The following DBF4B variants were observed in gnomAD, a reference collection of about 807,000 sequenced individuals.
DBF4B encodes the protein DBF4B-CDC7 kinase regulatory subunit, also known as protein DBF4 homolog B.
In DBF4B, 49 loss-of-function variants were observed where a neutral mutation model predicts 53.4. The ratio of observed to expected loss-of-function variants is 0.92; its 90% CI spans 0.73 to 1.16. DBF4B has a LOEUF of 1.16. Ranked by LOEUF, DBF4B falls within the 50% of genes most tolerant of loss-of-function variation. The pLI is 0.00. For missense variants in DBF4B, 692 were observed against 775.0 expected (o/e 0.89, Z 1.27); for synonymous variants, 257 against 288.7 (o/e 0.89, Z 1.11).
intron 2 of DBF4B, chr17:44,719,800 G>C (rs746076813): frequency 1.3e-5 from 3 of 230,332 alleles, no homozygotes; most frequent in Non-Finnish European, 2.7e-5. Flanking sequence ...ATTCGTTAGG[G>C]CAGACACAGA....
Position 44,708,706 on chromosome 17 carries a change from T to C in DBF4B, c.-115T>C. On this transcript the variant is annotated 5_prime_UTR_variant, in exon 1 of 14. It removes the in-frame stop codon of an upstream open reading frame in the 5' UTR. Transcript: ENST00000315005. ...CGAAAACGCCAAGAGATTGATGCTGTAGCTGCCCTGAGATAACCAGGACTG... is the reference window on the plus strand; with the variant it reads ...CGAAAACGCCAAGAGATTGATGCTGCAGCTGCCCTGAGATAACCAGGACTG... The C allele has an allele frequency of 1.6e-6, 2 of 1,287,668 alleles. No individual in the cohort carries two copies. The highest frequency in any genetic ancestry group is 1.0e-6 in the Non-Finnish European group (1 of 953,790). 79.8% of individuals were successfully genotyped at this position (1,287,668 alleles called of 1,614,324 possible). A position where few individuals can be genotyped will look rare whatever the true frequency, so the allele number is the denominator to read the frequency against.
At position 44,711,888 on chromosome 17, in the gene DBF4B, T is replaced by C. The variant is rs188984024; in HGVS notation, c.82+2522T>C. 3.3e-5 allele frequency among the ~76,000 whole-genome samples: 5 copies of C among 150,590 alleles called. No individual in the cohort carries two copies. In the South Asian group the frequency reaches 8.4e-4, roughly 25 times the overall value. On this transcript the variant is annotated intron_variant, in intron 2 of 13. Coordinates refer to ENST00000315005, the MANE Select transcript of DBF4B (RefSeq NM_145663.3). ...GAGGCGGAGCTTGCAGTGAGCAAAA[T>C]TGCACCACTGCACTCCAGCCTGGGC... is the stretch of plus-strand genomic sequence containing the variant.
Position 44,732,232 on chromosome 17 carries a change from C to T in DBF4B, c.523C>T (p.Arg175Cys), listed in dbSNP as rs1174953645. 1.5e-5 allele frequency: 24 copies of T among 1,613,994 alleles called. No homozygotes were observed. Among genetic ancestry groups the T allele is most frequent in the African/African-American group, 2.7e-5 (2 of 74,906 alleles). ...GGSSSLLTNA[R>C]SWGVRILHVD... ...CAGCAGCAGCCTCCTGACCAATGCC[C>T]GCTCTTGGGGAGTGAGGATTCTGCA... The change falls in exon 6 of 14, where the codon CGC becomes TGC. Residue 175 changes from arginine (R) to cysteine (C), a missense_variant. Physicochemically the swap from Arg to Cys is radical, Grantham distance 180. Around this residue, in one of 3 missense-constraint regions of DBF4B, gnomAD observed 597 missense variants for 665.8 expected, o/e 0.90. Coordinates refer to ENST00000315005, the MANE Select transcript of DBF4B (RefSeq NM_145663.3).
At chr17:44,711,382 C>T (rs1972852000) in intron 2 of DBF4B, among the ~76,000 whole-genome samples, 1 of 152,154 alleles carries the variant, frequency 6.6e-6, no homozygotes, top group Non-Finnish European at 1.5e-5. Context: ...ACAATCATAG[C>T]TCACTGCAGC....
Position 44,747,075 on chromosome 17 carries a change from C to T in DBF4B, c.831-8C>T, listed in dbSNP as rs2049116771. The T allele has an allele frequency of 6.2e-7, 1 of 1,613,746 alleles. No homozygotes were observed. Among genetic ancestry groups the T allele is most frequent in the Non-Finnish European group, 8.5e-7 (1 of 1,179,726 alleles). ...TAACCACTTTGCCGCACTATGTACC[C>T]TCCCCAGAGAATCCAAGGATGGAGA... On this transcript the variant is annotated splice_polypyrimidine_tract_variant and splice_region_variant and intron_variant, in intron 10 of 13. Coordinates refer to ENST00000315005, the MANE Select transcript of DBF4B (RefSeq NM_145663.3).
rs1375051044 is a variant in DBF4B, at chr17:44,708,848, G to T, written c.19+9G>T. On this transcript the variant is annotated intron_variant, in intron 1 of 13. Coordinates refer to ENST00000315005, the MANE Select transcript of DBF4B (RefSeq NM_145663.3). ...GAGCGAACCGGGAAAGGGTACGGAT[G>T]CCGGGAAGGGGAGAAAGAAAGGCGG... 6.4e-7 allele frequency: 1 copy of T among 1,551,376 alleles called. No homozygotes were observed. The highest frequency in any genetic ancestry group is 8.7e-7 in the Non-Finnish European group (1 of 1,146,920).
intron 3 of DBF4B, among the ~76,000 whole-genome samples, chr17:44,724,323 G>A (rs771351366): frequency 1.3e-5 from 2 of 152,098 alleles, no homozygotes; most frequent in South Asian, 2.1e-4. Context: ...CTTGAGCCCC[G>A]GGAGGCAGTC....
chr17:44,744,917 G>A (rs1175217414), intron 10 of DBF4B, among the ~76,000 whole-genome samples: 1 of 151,994 alleles, frequency 6.6e-6, no homozygotes, highest in African/African-American at 2.4e-5. Context: ...TTTGGTTATT[G>A]ATCACTTTAA....
chr17:44,744,582 T>G (rs934565394), intron 10 of DBF4B, among the ~76,000 whole-genome samples: 5 of 152,228 alleles, frequency 3.3e-5, no homozygotes, highest in Non-Finnish European at 7.3e-5. Flanking sequence ...ATTTGTGGAA[T>G]AAATTCCTAA....
At position 44,751,044 on chromosome 17, in the gene DBF4B, C is replaced by G. The variant is rs755523019; in HGVS notation, c.1639C>G (p.Leu547Val). Residue 547 changes from leucine to valine, a missense_variant, in exon 14 of 14, where the codon CTG becomes GTG. Transcript: ENST00000315005. The part of the protein sequence containing the change: ...PCLRLGYLYL[L>V]LTQSLWCRVR... ...TCTCAGACTTGGATACCTTTACCTG[C>G]TGCTCACACAAAGCCTGTGGTGCCG... The G allele has an allele frequency of 2.5e-6, 4 of 1,614,042 alleles. No homozygotes were observed. The highest frequency in any genetic ancestry group is 3.4e-6 in the Non-Finnish European group (4 of 1,180,028).
chr17:44,751,761 AC>A lies in DBF4B; in HGVS notation c.*509del. 1 of 1,479,662 alleles carries A rather than the reference AC, an allele frequency of 6.8e-7. No individual in the cohort carries two copies. Among genetic ancestry groups the A allele is most frequent in the Non-Finnish European group, 9.0e-7 (1 of 1,116,914 alleles). 91.7% of individuals were successfully genotyped at this position (1,479,662 alleles called of 1,614,324 possible). A position where few individuals can be genotyped will look rare whatever the true frequency, so the allele number is the denominator to read the frequency against. On this transcript the variant is annotated 3_prime_UTR_variant, in exon 14 of 14. Coordinates refer to ENST00000315005, the MANE Select transcript of DBF4B (RefSeq NM_145663.3). ...TGGGTAGCTCTGCCTGAAGCATTCC[AC>A]TAAGATCATCTATTCCAAGGTCATG...
At chr17:44,725,684 C>CTTTTTTTTTGTTTTTTTT (rs1974256608) in intron 3 of DBF4B, among the ~76,000 whole-genome samples, 1 of 87,662 alleles carries the variant, frequency 1.1e-5, no homozygotes, top group Non-Finnish European at 2.3e-5. Context: ...TTTTGTGCTT[C>CTTTTTTTTTGTTTTTTTT]TTTTTTTTTT....
At chr17:44,748,497 C>T (rs746264972) in intron 13 of DBF4B, 32 bp downstream of exon 13, 1 of 1,613,116 alleles carries the variant, frequency 6.2e-7, no homozygotes, top group South Asian at 1.1e-5. Context: ...CAGTGGACAG[C>T]ACGCAGGCAC....
chr17:44,736,136 C>T (rs184700321), intron 7 of DBF4B, among the ~76,000 whole-genome samples: 1 of 151,182 alleles, frequency 6.6e-6, no homozygotes, highest in East Asian at 1.9e-4. Context: ...CATGCGCCAC[C>T]ATGCCTGGCT....
chr17:44,725,548 C>A (rs2144879264), intron 3 of DBF4B, among the ~76,000 whole-genome samples: 1 of 152,020 alleles, frequency 6.6e-6, no homozygotes, highest in Non-Finnish European at 1.5e-5. Flanking sequence ...TTTTCATCAC[C>A]CCAAAAAGGA....
chr17:44,728,154 C>G (rs1974524870), intron 3 of DBF4B, among the ~76,000 whole-genome samples: 1 of 152,154 alleles, frequency 6.6e-6, no homozygotes, highest in Non-Finnish European at 1.5e-5. Context: ...TGGCCTCACT[C>G]ACACATCTGG....
intron 2 of DBF4B, 113 bp from the exon 3 acceptor site, chr17:44,722,767 C>T: frequency 8.3e-7 from 1 of 1,206,922 alleles, no homozygotes. Flanking sequence ...TGTGTGTGCC[C>T]AGGGTCTAGT....
chr17:44,715,704 G>A (rs1029706128), intron 2 of DBF4B, among the ~76,000 whole-genome samples: 1 of 150,102 alleles, frequency 6.7e-6, no homozygotes, highest in African/African-American at 2.4e-5. Context: ...CCTCTCCCTG[G>A]TTGTTAATTG....
chr17:44,710,507 ACCT>A (rs1463914461), intron 2 of DBF4B, among the ~76,000 whole-genome samples: 4 of 151,644 alleles, frequency 2.6e-5, no homozygotes, highest in Non-Finnish European at 4.4e-5. Flanking sequence ...TTTGTAAGTG[ACCT>A]CCTTTTCTCA....
Sources: allele counts gnomAD v4.1 joint callset (sites outside exome capture counted in the v4.1 genomes callset), GRCh38; gene constraint gnomAD v4.1.1; regional missense constraint gnomAD v4.1.1; transcripts MANE v1.5; gene names NCBI Gene and HGNC (gene_info 2026-07-23, HGNC 2026-07-21).